Variants in RBMS1 observed in about 807,000 individuals in gnomAD.
RBMS1 encodes RNA binding motif single stranded interacting protein 1, also known as RNA-binding motif, single-stranded-interacting protein 1.
RBMS1 carries 17 observed loss-of-function variants against 62.3 expected under a neutral mutation model. The observed-to-expected ratio is 0.27, with a 90% confidence interval of 0.19 to 0.41. The LOEUF (loss-of-function observed/expected upper bound fraction) is 0.41, where lower values mean the gene tolerates loss of function less well. Ranked by LOEUF, RBMS1 falls within the 10% of genes least tolerant of loss-of-function variation. The pLI is 1.00. For synonymous variants in RBMS1, 172 were observed against 170.0 expected (o/e 1.01, Z -0.09); for missense variants, 334 against 504.5 (o/e 0.66, Z 3.24).
At chr2:160,449,367 C>T (rs529837176) in intron 1 of RBMS1, among the ~76,000 whole-genome samples, 2 of 152,276 alleles carry the variant, frequency 1.3e-5, no homozygotes, top group East Asian at 1.9e-4. Flanking sequence ...ATGACGATGG[C>T]GTTTTTGTCG....
intron 1 of RBMS1, among the ~76,000 whole-genome samples, chr2:160,413,245 G>A (rs930556458): frequency 6.6e-6 from 1 of 152,022 alleles, no homozygotes; most frequent in Non-Finnish European, 1.5e-5. Flanking sequence ...ACACTGTATA[G>A]GTTAGTATAT....
intron 1 of RBMS1, among the ~76,000 whole-genome samples, chr2:160,443,269 C>T (rs1683494256): frequency 6.6e-6 from 1 of 151,456 alleles, no homozygotes; most frequent in East Asian, 1.9e-4. Context: ...ACAGCCCCTC[C>T]TCTGGACTTA....
intron 9 of RBMS1, chr2:160,284,524 G>C: frequency 2.1e-6 from 1 of 468,142 alleles, no homozygotes; most frequent in Non-Finnish European, 3.9e-6. Context: ...GAAGTGTTTG[G>C]GTTCATTCCA....
intron 1 of RBMS1, 111 bp from the exon 2 acceptor site, chr2:160,367,502 T>C (rs112879991): frequency 2.7e-6 from 4 of 1,488,254 alleles, no homozygotes; most frequent in South Asian, 2.9e-5. Flanking sequence ...CTTTGAGTTA[T>C]AAATTTTAAT....
At chr2:160,380,805 C>T (rs781540243) in intron 1 of RBMS1, among the ~76,000 whole-genome samples, 3 of 152,178 alleles carry the variant, frequency 2.0e-5, no homozygotes, top group Non-Finnish European at 2.9e-5. Flanking sequence ...TCCACCCACA[C>T]CCTCGTGGCA....
chr2:160,369,676 G>A (rs1693614074), intron 1 of RBMS1, among the ~76,000 whole-genome samples: 1 of 152,178 alleles, frequency 6.6e-6, no homozygotes, highest in South Asian at 2.1e-4. Context: ...ACTTGGAGAA[G>A]TCAGTAAGAA....
At chr2:160,282,984 G>A (rs2105933084) in intron 9 of RBMS1, 1 of 152,312 alleles carries the variant, frequency 6.6e-6, no homozygotes, top group East Asian at 1.9e-4. Context: ...ATGCCCAGGA[G>A]AGGAAATAAG....
intron 1 of RBMS1, among the ~76,000 whole-genome samples, chr2:160,426,297 A>AGAAAAGAAAGAAGGAAGGAAG (rs1559537519): frequency 1.8e-5 from 1 of 56,172 alleles, no homozygotes; most frequent in African/African-American, 6.7e-5. Context: ...AAGAAAAGAA[A>AGAAAAGAAAGAAGGAAGGAAG]GAAGGAAGGA....
At chr2:160,388,333 G>GCCC (rs1694687853) in intron 1 of RBMS1, among the ~76,000 whole-genome samples, 2 of 152,124 alleles carry the variant, frequency 1.3e-5, no homozygotes, top group South Asian at 4.2e-4. Flanking sequence ...AGCCTAAAAT[G>GCCC]CCCCCCACAT....
chr2:160,367,985 G>T (rs1025533134), intron 1 of RBMS1, among the ~76,000 whole-genome samples: 1 of 152,114 alleles, frequency 6.6e-6, no homozygotes, highest in Non-Finnish European at 1.5e-5. Context: ...TTTAACCCCT[G>T]TGAGAATGGT....
chr2:160,453,260 C>T (rs1338999605), intron 1 of RBMS1, among the ~76,000 whole-genome samples: 2 of 151,972 alleles, frequency 1.3e-5, no homozygotes, highest in Non-Finnish European at 2.9e-5. Flanking sequence ...GGTTGTGGTG[C>T]TTCCAGATGG....
At chr2:160,364,498 A>G (rs1342843820) in intron 2 of RBMS1, among the ~76,000 whole-genome samples, 4 of 123,304 alleles carry the variant, frequency 3.2e-5, no homozygotes, top group Admixed American at 8.1e-5. Context: ...CCTACCCCAC[A>G]TGCCTCCTCC....
rs79372476 is a variant in RBMS1 at position 160,422,660 on chromosome 2, T to C, written c.76-55269A>G. ...CCCGCCCCACCACATTTAATTTACTTAACAAACCTAAATTCCCCAGTCAGC... is the reference window on the plus strand; with the variant it reads ...CCCGCCCCACCACATTTAATTTACTCAACAAACCTAAATTCCCCAGTCAGC... On this transcript the variant is annotated intron_variant, in intron 1 of 13. Coordinates refer to ENST00000348849, the MANE Select transcript of RBMS1 (RefSeq NM_016836.4). Among the ~76,000 whole-genome samples the C allele has an allele frequency of 8.8e-3, 1,334 of 151,744 alleles. 28 individuals are homozygous for C. The highest frequency in any genetic ancestry group is 0.031 in the African/African-American group (1,267 of 41,350).
intron 1 of RBMS1, among the ~76,000 whole-genome samples, chr2:160,484,891 G>A (rs1323230799): frequency 1.3e-5 from 2 of 149,798 alleles, no homozygotes; most frequent in Non-Finnish European, 3.0e-5. Context: ...AAAAATTTAC[G>A]AAGCATCAAC....
At chr2:160,319,868 T>C (rs4632293) in intron 2 of RBMS1, among the ~76,000 whole-genome samples, 115,435 of 152,128 alleles carry the variant, frequency 0.76, 44,365 homozygotes, top group East Asian at 0.83. Context: ...TGTGTAATCA[T>C]GTAATCAAAT....
chr2:160,386,452 C>T (rs61590043), intron 1 of RBMS1, among the ~76,000 whole-genome samples: 1 of 151,966 alleles, frequency 6.6e-6, no homozygotes, highest in East Asian at 1.9e-4. Context: ...AGGAGAATCA[C>T]TTGAACCCAG....
chr2:160,304,023 G>A (rs146852018), intron 4 of RBMS1, among the ~76,000 whole-genome samples: 11 of 152,064 alleles, frequency 7.2e-5, no homozygotes, highest in Middle Eastern at 3.4e-3. Flanking sequence ...GTAATTTAAC[G>A]AAAACAAGAA....
intron 9 of RBMS1, chr2:160,282,281 G>A (rs758541882): frequency 7.3e-7 from 1 of 1,367,890 alleles, no homozygotes. Flanking sequence ...CCCGATACTT[G>A]TTTTCTCTGG....
At chr2:160,492,925 C>T (rs981180432) in intron 1 of RBMS1, 2 of 218,466 alleles carry the variant, frequency 9.2e-6, no homozygotes, top group African/African-American at 4.6e-5. Context: ...AAAGCCGGGC[C>T]ACCAGCGGAT....
Sources: gnomAD v4.1 joint callset for allele counts (sites outside exome capture counted in the v4.1 genomes callset) on GRCh38, gnomAD v4.1.1 for gene constraint, MANE v1.5 for transcripts, NCBI Gene and HGNC (gene_info 2026-07-23, HGNC 2026-07-21) for gene names.